PPFIBP1: variants seen among roughly 807,000 people sequenced by gnomAD.
PPFIBP1 encodes the protein PPFIB scaffold protein 1.
PPFIBP1 carries 112 observed loss-of-function variants against 137.8 expected under a neutral mutation model. The ratio of observed to expected loss-of-function variants is 0.81; its 90% CI spans 0.70 to 0.95. The LOEUF (loss-of-function observed/expected upper bound fraction) is 0.95. Among genes scored for constraint, PPFIBP1 ranks in the 40% least tolerant of loss-of-function variants. PPFIBP1 has a pLI of 0.00. For synonymous variants in PPFIBP1, 378 were observed against 417.3 expected (o/e 0.91, Z 1.15); for missense variants, 1,083 against 1,196.6 (o/e 0.91, Z 1.40).
intron 4 of PPFIBP1, among the ~76,000 whole-genome samples, chr12:27,638,062 G>C (rs960409515): frequency 2.0e-5 from 3 of 152,018 alleles, no homozygotes; most frequent in African/African-American, 4.8e-5. Context: ...AGGGGAGTGG[G>C]GAATGGGAAG....
intron 2 of PPFIBP1, among the ~76,000 whole-genome samples, chr12:27,632,304 G>A (rs2057321936): frequency 6.6e-6 from 1 of 152,146 alleles, no homozygotes; most frequent in African/African-American, 2.4e-5. Context: ...GAAACAGAGG[G>A]CAAAGGTTTC....
At chr12:27,601,534 C>A (rs17223967) in intron 2 of PPFIBP1, among the ~76,000 whole-genome samples, 1 of 152,136 alleles carries the variant, frequency 6.6e-6, no homozygotes, top group Admixed American at 6.5e-5. Flanking sequence ...TGATGCTTTC[C>A]CATGGTTGAT....
At chr12:27,588,248 C>T (rs1286839376) in intron 2 of PPFIBP1, among the ~76,000 whole-genome samples, 1 of 152,204 alleles carries the variant, frequency 6.6e-6, no homozygotes, top group Non-Finnish European at 1.5e-5. Flanking sequence ...CTCTTGATAA[C>T]TAAGAATGCA....
chr12:27,615,990 C>T (rs2055705822), intron 2 of PPFIBP1, among the ~76,000 whole-genome samples: 2 of 152,152 alleles, frequency 1.3e-5, no homozygotes, highest in South Asian at 4.1e-4. Flanking sequence ...GCCTCATTTT[C>T]CTCTTCTATA....
intron 2 of PPFIBP1, among the ~76,000 whole-genome samples, chr12:27,630,893 T>C (rs1007459431): frequency 6.6e-6 from 1 of 151,686 alleles, no homozygotes; most frequent in African/African-American, 2.4e-5. Flanking sequence ...AGTCTACCAC[T>C]TTGGCTATTG....
At chr12:27,684,703 T>A (rs2061093318) in intron 24 of PPFIBP1, among the ~76,000 whole-genome samples, 1 of 151,658 alleles carries the variant, frequency 6.6e-6, no homozygotes, top group African/African-American at 2.4e-5. Context: ...CTCATATTAA[T>A]ACTGGATTCT....
chr12:27,584,905 A>G (rs1040432637), intron 2 of PPFIBP1, among the ~76,000 whole-genome samples: 2 of 152,184 alleles, frequency 1.3e-5, no homozygotes, highest in Non-Finnish European at 2.9e-5. Flanking sequence ...AAATGAATGA[A>G]AGAGCAGGGG....
intron 2 of PPFIBP1, among the ~76,000 whole-genome samples, chr12:27,623,716 A>C (rs2056552496): frequency 6.7e-6 from 1 of 150,132 alleles, no homozygotes; most frequent in Non-Finnish European, 1.5e-5. Context: ...CTCAAAAAAA[A>C]CAAAACAAAC....
chr12:27,593,536 G>C (rs1452274983), intron 2 of PPFIBP1: 7 of 387,030 alleles, frequency 1.8e-5, no homozygotes, highest in East Asian at 1.6e-4. Flanking sequence ...CATTTCTGGA[G>C]GGGAGCTGCC....
At chr12:27,600,452 T>C (rs1489850947) in intron 2 of PPFIBP1, among the ~76,000 whole-genome samples, 1 of 147,766 alleles carries the variant, frequency 6.8e-6, no homozygotes, top group Non-Finnish European at 1.5e-5. Context: ...AAAAAAAAAA[T>C]AGTTAGAAGA....
chr12:27,664,487 C>T, intron 12 of PPFIBP1, 41 bp downstream of exon 12: 1 of 1,361,970 alleles, frequency 7.3e-7, no homozygotes, highest in Non-Finnish European at 1.0e-6. Context: ...TTGGTTGACT[C>T]TAAGTGGCTA....
chr12:27,680,232 A>T (rs2060799963), intron 21 of PPFIBP1, among the ~76,000 whole-genome samples, 171 bp downstream of exon 21: 1 of 152,220 alleles, frequency 6.6e-6, no homozygotes, highest in African/African-American at 2.4e-5. Context: ...GTTGATGAAC[A>T]AACAGAAGGT....
intron 7 of PPFIBP1, among the ~76,000 whole-genome samples, chr12:27,652,357 T>C (rs1405568554): frequency 6.6e-6 from 1 of 152,158 alleles, no homozygotes; most frequent in Non-Finnish European, 1.5e-5. Context: ...AGTGCCCCCT[T>C]GTGGTAAGAG....
chr12:27,673,689 T>C (rs2060337300), intron 15 of PPFIBP1, 78 bp from the exon 16 acceptor site: 3 of 1,282,688 alleles, frequency 2.3e-6, no homozygotes, highest in Non-Finnish European at 3.3e-6. Context: ...GCAATTTTAG[T>C]TTCTTTCCAA....
intron 1 of PPFIBP1, among the ~76,000 whole-genome samples, chr12:27,571,391 T>C (rs2050130570): frequency 6.6e-6 from 1 of 152,166 alleles, no homozygotes; most frequent in African/African-American, 2.4e-5. Flanking sequence ...CAATTGCCAA[T>C]TTACCCACCG....
At position 27,621,743 on chromosome 12, in the gene PPFIBP1, A is replaced by G. The variant is rs543619123; in HGVS notation, c.-35-11619A>G. ...TGTTGAGTTTATAAGATTATTTATAAAAACTTATTCCTCCACAAAACTGTT... is the reference window on the plus strand; with the variant it reads ...TGTTGAGTTTATAAGATTATTTATAGAAACTTATTCCTCCACAAAACTGTT... On this transcript the variant is annotated intron_variant, in intron 2 of 29. Transcript: ENST00000228425. Among the ~76,000 whole-genome samples, 9 of 152,332 alleles carry G rather than the reference A, an allele frequency of 5.9e-5. No homozygotes were observed. The East Asian group carries it at 1.7e-3, about 29-fold the overall frequency.
At chr12:27,653,865 G>C (rs1340631431) in intron 7 of PPFIBP1, among the ~76,000 whole-genome samples, 4 of 152,140 alleles carry the variant, frequency 2.6e-5, no homozygotes, top group Admixed American at 2.0e-4. Flanking sequence ...ATAAACACTA[G>C]GATTGGTTTC....
intron 25 of PPFIBP1, 142 bp downstream of exon 25, chr12:27,687,649 G>T: frequency 2.0e-6 from 2 of 987,942 alleles, no homozygotes; most frequent in Non-Finnish European, 2.9e-6. Flanking sequence ...GGCTTTTTCT[G>T]TATTCCTTCC....
chr12:27,602,841 C>CTG (rs1166038722), intron 2 of PPFIBP1, among the ~76,000 whole-genome samples: 3 of 152,156 alleles, frequency 2.0e-5, no homozygotes, highest in Non-Finnish European at 4.4e-5. Flanking sequence ...ATATGACTGC[C>CTG]TGTGTATAGA....
Sources: gnomAD v4.1 joint callset for allele counts (sites outside exome capture counted in the v4.1 genomes callset) on GRCh38, gnomAD v4.1.1 for gene constraint, MANE v1.5 for transcripts, NCBI Gene and HGNC (gene_info 2026-07-23, HGNC 2026-07-21) for gene names.